DLEC1: variants seen among roughly 807,000 people sequenced by gnomAD.
The protein encoded by DLEC1 is deleted in lung and esophageal cancer protein 1.
DLEC1 carries 146 observed loss-of-function variants against 198.1 expected under a neutral mutation model. The ratio of observed to expected loss-of-function variants is 0.74; its 90% CI spans 0.64 to 0.85. The LOEUF (loss-of-function observed/expected upper bound fraction) is 0.85. Among genes scored for constraint, DLEC1 ranks in the 40% least tolerant of loss-of-function variants. The pLI is 0.00. For synonymous variants in DLEC1, 897 were observed against 866.8 expected (o/e 1.03, Z -0.61); for missense variants, 2,233 against 2,220.0 (o/e 1.01, Z -0.12).
chr3:38,046,970 G>GACTT (rs1700913831), intron 2 of DLEC1, among the ~76,000 whole-genome samples: 1 of 152,156 alleles, frequency 6.6e-6, no homozygotes, highest in South Asian at 2.1e-4. Flanking sequence ...CCCATGACCA[G>GACTT]ACTTAGGCAA....
chr3:38,074,759 G>T (rs1697514610), intron 6 of DLEC1, among the ~76,000 whole-genome samples: 1 of 152,174 alleles, frequency 6.6e-6, no homozygotes, highest in South Asian at 2.1e-4. Flanking sequence ...GAGGGTAGAA[G>T]TCAGGATGAC....
In DLEC1 at chr3:38,085,344, C is replaced by T. The variant is rs371607357; in HGVS notation, c.1332C>T (p.Pro444=). Residue 444 remains proline (P), a synonymous_variant, in exon 8 of 37, where the codon CCC becomes CCT. Coordinates refer to ENST00000308059, the MANE Select transcript of DLEC1 (RefSeq NM_007335.4). ...MTCQYIVQFF[P]DCLGDFDDFI... The stretch of plus-strand genomic sequence containing the variant: ...GCCAGTACATTGTCCAGTTTTTTCC[C>T]GACTGCCTTGGGGATTTTGATGATT... The T allele has an allele frequency of 1.4e-5, 23 of 1,613,994 alleles. No homozygotes were observed. In the African/African-American group the frequency reaches 2.5e-4, roughly 18 times the overall value.
chr3:38,115,467 G>C (rs1700103134), intron 27 of DLEC1, among the ~76,000 whole-genome samples: 1 of 152,152 alleles, frequency 6.6e-6, no homozygotes, highest in Non-Finnish European at 1.5e-5. Flanking sequence ...TGAAGGGCCA[G>C]GCTCCCCTGT....
At chr3:38,051,819 A>G (rs1361921408) in intron 2 of DLEC1, 1 of 154,556 alleles carries the variant, frequency 6.5e-6, no homozygotes, top group African/African-American at 2.4e-5. Context: ...AAATGATAAA[A>G]CTATAAAATT....
intron 6 of DLEC1, among the ~76,000 whole-genome samples, chr3:38,082,486 T>G (rs1292864582): frequency 6.6e-6 from 1 of 152,132 alleles, no homozygotes; most frequent in African/African-American, 2.4e-5. Flanking sequence ...CCGTCCCGGT[T>G]CGGGTGTTCT....
At chr3:38,055,537 A>G in intron 2 of DLEC1, among the ~76,000 whole-genome samples, 1 of 133,452 alleles carries the variant, frequency 7.5e-6, no homozygotes, top group African/African-American at 2.7e-5. Context: ...GAATCTGCTT[A>G]TGGTAAAGGC....
chr3:38,039,441 G>T lies in DLEC1; in HGVS notation c.216G>T (p.Ala72=), dbSNP rs1363220364. The change falls in exon 1 of 37, where the codon GCG becomes GCT. Residue 72 remains alanine, a synonymous_variant. Transcript: ENST00000308059. ...GCCGCCTCACGCAGCTTGCGCTGGCGCAGCGTCCCGAGCCTCAGCTGCTTC... is the reference window on the plus strand; with the variant it reads ...GCCGCCTCACGCAGCTTGCGCTGGCTCAGCGTCCCGAGCCTCAGCTGCTTC... The part of the protein sequence containing the change: ...RPRRLTQLAL[A]QRPEPQLLRL... The T allele has an allele frequency of 4.3e-6, 7 of 1,613,752 alleles. No homozygotes were observed. The highest frequency in any genetic ancestry group is 1.7e-6 in the Non-Finnish European group (2 of 1,179,734).
intron 27 of DLEC1, among the ~76,000 whole-genome samples, chr3:38,115,523 C>T (rs969883573): frequency 6.6e-6 from 1 of 151,986 alleles, no homozygotes; most frequent in African/African-American, 2.4e-5. Flanking sequence ...AAGGGTAAGC[C>T]GATGTGGGCC....
intron 6 of DLEC1, among the ~76,000 whole-genome samples, chr3:38,071,959 C>A (rs1261221000): frequency 6.6e-6 from 1 of 152,086 alleles, no homozygotes; most frequent in Non-Finnish European, 1.5e-5. Flanking sequence ...GTGGTAGCCT[C>A]AATGATAGAT....
At position 38,095,129 on chromosome 3, in the gene DLEC1, C is replaced by G. The variant is rs144710755; in HGVS notation, c.2112+58C>G. The G allele has an allele frequency of 1.1e-3, 1,814 of 1,581,954 alleles. 14 individuals carry two copies. In the African/African-American group the frequency reaches 0.017, roughly 15 times the overall value. The stretch of plus-strand genomic sequence containing the variant: ...GGTTGGATCATGTATTTAGACCCCC[C>G]ACCTGTGTTCCTCAATCACACTGAA... On this transcript the variant is annotated intron_variant, in intron 13 of 36. Coordinates refer to ENST00000308059, the MANE Select transcript of DLEC1 (RefSeq NM_007335.4).
intron 9 of DLEC1, among the ~76,000 whole-genome samples, chr3:38,087,305 CA>C (rs1698511143): frequency 6.7e-6 from 1 of 148,942 alleles, no homozygotes; most frequent in African/African-American, 2.5e-5. Context: ...TGACACCATC[CA>C]TCAGCACTGA....
intron 6 of DLEC1, among the ~76,000 whole-genome samples, chr3:38,069,019 A>G (rs1474754875): frequency 6.6e-6 from 1 of 152,160 alleles, no homozygotes; most frequent in East Asian, 1.9e-4. Context: ...TCCTCCATCT[A>G]TAATTAATAC....
At chr3:38,118,272 T>G (rs772546901) in intron 33 of DLEC1, among the ~76,000 whole-genome samples, 7 of 152,164 alleles carry the variant, frequency 4.6e-5, no homozygotes, top group Non-Finnish European at 1.0e-4. Context: ...ATGCACGTGC[T>G]CCATAAATGT....
chr3:38,070,948 A>G (rs1271135867), intron 6 of DLEC1, among the ~76,000 whole-genome samples: 2 of 152,094 alleles, frequency 1.3e-5, no homozygotes, highest in Non-Finnish European at 1.5e-5. Context: ...CTGCCTTCTT[A>G]TATTAATAAG....
chr3:38,086,606 C>T (rs990346200), intron 9 of DLEC1, among the ~76,000 whole-genome samples: 1 of 152,208 alleles, frequency 6.6e-6, no homozygotes, highest in African/African-American at 2.4e-5. Flanking sequence ...AGCGGTATCA[C>T]CTCTCTTATC....
At position 38,111,104 on chromosome 3, in the gene DLEC1, T is replaced by C. The variant is rs572499345; in HGVS notation, c.3444-573T>C. 4.6e-5 allele frequency among the ~76,000 whole-genome samples: 7 copies of C among 152,256 alleles called. No homozygotes were observed. In the South Asian group the frequency reaches 1.5e-3, roughly 32 times the overall value. ...AAATCTCTAACTTGAAATCAAACAT[T>C]ATAATTTAGGACTTTTTTTTTCTGG... On this transcript the variant is annotated intron_variant, in intron 23 of 36. Coordinates refer to ENST00000308059, the MANE Select transcript of DLEC1 (RefSeq NM_007335.4).
intron 2 of DLEC1, among the ~76,000 whole-genome samples, chr3:38,049,624 AAGGCCAGAGC>A (rs1701020793): frequency 6.6e-6 from 1 of 152,210 alleles, no homozygotes; most frequent in South Asian, 2.1e-4. Context: ...AGATGGTCAC[AAGGCCAGAGC>A]AGGCTTTTCC....
Position 38,088,359 on chromosome 3 carries a change from C to T in DLEC1, c.1636C>T (p.Leu546=). The T allele has an allele frequency of 6.2e-7, 1 of 1,613,992 alleles. No individual in the cohort carries two copies. The highest frequency in any genetic ancestry group is 8.5e-7 in the Non-Finnish European group (1 of 1,179,870). The change falls in exon 10 of 37, where the codon CTG becomes TTG. Residue 546 remains leucine, a synonymous_variant. Coordinates refer to ENST00000308059, the MANE Select transcript of DLEC1 (RefSeq NM_007335.4). ...TGGAATCCTGCCTTCGGTGTTTGAGCTGGCCCCGGGACATGCTATATTAGT... is the reference window on the plus strand; with the variant it reads ...TGGAATCCTGCCTTCGGTGTTTGAGTTGGCCCCGGGACATGCTATATTAGT... The part of the protein sequence containing the change: ...PFGILPSVFE[L]APGHAILVEV...
chr3:38,112,389 T>G lies in DLEC1; in HGVS notation c.3666+28T>G. The G allele has an allele frequency of 1.2e-6, 2 of 1,610,002 alleles. No individual in the cohort carries two copies. Among genetic ancestry groups the G allele is most frequent in the Non-Finnish European group, 1.7e-6 (2 of 1,176,802 alleles). On this transcript the variant is annotated intron_variant, in intron 25 of 36. Coordinates refer to ENST00000308059, the MANE Select transcript of DLEC1 (RefSeq NM_007335.4). The surrounding 1 kb of genome is among the most constrained non-coding windows in gnomAD (Gnocchi z 4.8). ...AAGGGTACACAAGAGGGCAGTGGCC[T>G]GGGGGGTGGAGAGTCTGCCCAGCCC... is the stretch of plus-strand genomic sequence containing the variant.
Sources: gnomAD v4.1 joint callset for allele counts (sites outside exome capture counted in the v4.1 genomes callset) on GRCh38, gnomAD v4.1.1 for gene constraint, Gnocchi (gnomAD v3.1) non-coding constraint, MANE v1.5 for transcripts, NCBI Gene and HGNC (gene_info 2026-07-23, HGNC 2026-07-21) for gene names.